Variants in CHN2 observed in about 807,000 individuals in gnomAD.
CHN2 encodes the protein beta-chimaerin.
In CHN2, 35 loss-of-function variants were observed where a neutral mutation model predicts 56.3. That is an observed-to-expected ratio of 0.62 (90% confidence interval 0.47 to 0.82). CHN2 has a LOEUF of 0.82. Ranked by LOEUF, CHN2 falls within the 40% of genes least tolerant of loss-of-function variation. The pLI is 0.00. For synonymous variants in CHN2, 210 were observed against 212.8 expected (o/e 0.99, Z 0.12); for missense variants, 491 against 580.5 (o/e 0.85, Z 1.58).
chr7:29,504,680 G>GCCT, intron 9 of CHN2, 64 bp from the exon 10 acceptor site: 1 of 908,228 alleles, frequency 1.1e-6, no homozygotes, highest in Non-Finnish European at 1.7e-6. Context: ...CGTGAAATTA[G>GCCT]TCTTTTTTTT....
intron 1 of CHN2, among the ~76,000 whole-genome samples, chr7:29,331,565 A>G (rs956633700): frequency 1.3e-5 from 2 of 152,080 alleles, no homozygotes; most frequent in African/African-American, 4.8e-5. Context: ...AGGAAACGGA[A>G]TTGAAGTAGT....
chr7:29,463,683 A>T (rs1434697736), intron 6 of CHN2, among the ~76,000 whole-genome samples: 1 of 152,048 alleles, frequency 6.6e-6, no homozygotes, highest in East Asian at 1.9e-4. Context: ...GGGACTTTAG[A>T]CTCTCTGGCA....
chr7:29,363,234 C>T (rs927018819), intron 2 of CHN2, among the ~76,000 whole-genome samples: 3 of 152,196 alleles, frequency 2.0e-5, no homozygotes, highest in Admixed American at 1.3e-4. Context: ...GCCTCTAATC[C>T]CAGTGCTTTG....
intron 6 of CHN2, among the ~76,000 whole-genome samples, chr7:29,430,146 T>A (rs1476301737): frequency 6.6e-6 from 1 of 152,212 alleles, no homozygotes; most frequent in Non-Finnish European, 1.5e-5. Flanking sequence ...CTAAAAGATT[T>A]AAACTGTGCA....
rs1413820366 is a variant in CHN2, at chr7:29,513,898, G to T, written c.*1163G>T. ...TCTTAGCATGAGCCTTTCACACCAA[G>T]ATTTCTATATTTTGTAACATAGGTG... On this transcript the variant is annotated 3_prime_UTR_variant, in exon 13 of 13. Coordinates refer to ENST00000222792, the MANE Select transcript of CHN2 (RefSeq NM_004067.4). 4 of 152,622 alleles carry T rather than the reference G, an allele frequency of 2.6e-5. No individual in the cohort carries two copies. The highest frequency in any genetic ancestry group is 2.9e-5 in the Non-Finnish European group (2 of 68,036). The allele number at this position is 152,622 out of a possible 1,614,324, so 9.5% of individuals were successfully genotyped here. A position where few individuals can be genotyped will look rare whatever the true frequency, so the allele number is the denominator to read the frequency against.
intron 1 of CHN2, among the ~76,000 whole-genome samples, chr7:29,340,544 T>A (rs1796967145): frequency 6.6e-6 from 1 of 152,150 alleles, no homozygotes; most frequent in Non-Finnish European, 1.5e-5. Flanking sequence ...AGCCCCCAAA[T>A]TAAGCAGGTT....
chr7:29,264,962 T>G (rs149690018), intron 1 of CHN2, among the ~76,000 whole-genome samples: 2 of 151,926 alleles, frequency 1.3e-5, no homozygotes, highest in Non-Finnish European at 1.5e-5. Flanking sequence ...TTTAATCTAT[T>G]GGGAAATGAT....
intron 1 of CHN2, among the ~76,000 whole-genome samples, chr7:29,210,715 G>T (rs567863823): frequency 1.8e-4 from 27 of 152,170 alleles, no homozygotes; most frequent in Non-Finnish European, 2.8e-4. Context: ...AGGAAATGCT[G>T]GGGGTAAGGG....
At chr7:29,317,985 AAAAAAC>A (rs903276491) in intron 1 of CHN2, among the ~76,000 whole-genome samples, 3 of 152,238 alleles carry the variant, frequency 2.0e-5, no homozygotes, top group Non-Finnish European at 4.4e-5. Flanking sequence ...CCCTGTCTCA[AAAAAAC>A]AAAAACAAAC....
intron 1 of CHN2, among the ~76,000 whole-genome samples, chr7:29,195,629 A>AGAGAGAGAGAGAGAGAGTGT (rs869037854): frequency 6.4e-4 from 75 of 117,528 alleles, no homozygotes; most frequent in East Asian, 2.7e-3. Flanking sequence ...AGAGAGAGAG[A>AGAGAGAGAGAGAGAGAGTGT]GTGTGTGTGT....
intron 6 of CHN2, among the ~76,000 whole-genome samples, chr7:29,469,106 G>T (rs4398804): frequency 2.0e-5 from 3 of 152,086 alleles, no homozygotes; most frequent in Admixed American, 1.3e-4. Flanking sequence ...CTAGCTGCTC[G>T]TGCCCAAAAC....
intron 6 of CHN2, among the ~76,000 whole-genome samples, chr7:29,454,932 A>C (rs1192194474): frequency 6.6e-6 from 1 of 150,872 alleles, no homozygotes; most frequent in Non-Finnish European, 1.5e-5. Flanking sequence ...TATTAAAATT[A>C]TATTGTAAAC....
chr7:29,210,966 G>A (rs1784877012), intron 1 of CHN2, among the ~76,000 whole-genome samples: 1 of 152,176 alleles, frequency 6.6e-6, no homozygotes, highest in Admixed American at 6.5e-5. Flanking sequence ...GGAGGGCCTC[G>A]TAGGCCGCCC....
At chr7:29,486,199 G>T (rs1787969781) in intron 7 of CHN2, among the ~76,000 whole-genome samples, 1 of 152,172 alleles carries the variant, frequency 6.6e-6, no homozygotes, top group Non-Finnish European at 1.5e-5. Flanking sequence ...CTGTTTTATT[G>T]ACTGCAGAAA....
chr7:29,399,607 A>G (rs1802038889), intron 5 of CHN2, among the ~76,000 whole-genome samples: 3 of 152,132 alleles, frequency 2.0e-5, no homozygotes, highest in Non-Finnish European at 2.9e-5. Context: ...CCAAAAGTTC[A>G]TTTGTGAACT....
intron 6 of CHN2, among the ~76,000 whole-genome samples, chr7:29,446,945 A>G (rs1784072462): frequency 6.6e-6 from 1 of 152,214 alleles, no homozygotes; most frequent in South Asian, 2.1e-4. Flanking sequence ...CCAGCTCCAG[A>G]TCCGCCCGGC....
At chr7:29,379,865 G>A (rs1048973574) in intron 3 of CHN2, among the ~76,000 whole-genome samples, 5 of 152,124 alleles carry the variant, frequency 3.3e-5, no homozygotes, top group Non-Finnish European at 7.3e-5. Context: ...TTGAAAGCAA[G>A]GACAAGCATT....
At chr7:29,388,924 A>C (rs1274367666) in intron 3 of CHN2, among the ~76,000 whole-genome samples, 1 of 152,210 alleles carries the variant, frequency 6.6e-6, no homozygotes, top group Non-Finnish European at 1.5e-5. Flanking sequence ...TATACTTGAG[A>C]TGTAACTATA....
chr7:29,263,276 C>T (rs1348938830), intron 1 of CHN2, among the ~76,000 whole-genome samples: 4 of 152,348 alleles, frequency 2.6e-5, no homozygotes, highest in African/African-American at 7.2e-5. Context: ...GTGGTCTGCC[C>T]GCCTCGGCCT....
Sources: gnomAD v4.1 joint callset for allele counts (sites outside exome capture counted in the v4.1 genomes callset) on GRCh38, gnomAD v4.1.1 for gene constraint, MANE v1.5 for transcripts, NCBI Gene and HGNC (gene_info 2026-07-23, HGNC 2026-07-21) for gene names.